The following MED23 variants were observed in gnomAD, a reference collection of about 807,000 sequenced individuals.
The protein encoded by MED23 is mediator of RNA polymerase II transcription subunit 23.
MED23 carries 105 observed loss-of-function variants against 163.9 expected under a neutral mutation model. The observed-to-expected ratio is 0.64, with a 90% CI of 0.55 to 0.75. MED23 has a LOEUF of 0.75. Among genes scored for constraint, MED23 ranks in the 30% least tolerant of loss-of-function variants. The pLI is 0.00. For synonymous variants in MED23, 561 were observed against 565.6 expected, an observed-to-expected ratio of 0.99 and a Z score of 0.12; for missense variants, 1,054 against 1,649.0, an observed-to-expected ratio of 0.64 and a Z score of 6.25.
intron 30 of MED23, chr6:131,579,211 C>A: frequency 6.2e-7 from 1 of 1,614,046 alleles, no homozygotes; most frequent in Non-Finnish European, 8.5e-7. Flanking sequence ...GAAAAGCAAG[C>A]GAGCAGCTGG....
intron 26 of MED23, among the ~76,000 whole-genome samples, chr6:131,590,982 CA>C (rs1340083902): frequency 1.5e-5 from 2 of 136,464 alleles, no homozygotes; most frequent in African/African-American, 5.6e-5. Flanking sequence ...AAATGAAATA[CA>C]ATTTTTTTTT....
Position 131,587,499 on chromosome 6 carries a change from A to C in MED23, c.*180T>G. Reference sequence around the variant, plus strand: ...TGATCTCTTAGAGACAAAAATATAGATAGGGAGATGGGAGTTATAAGGTGT... The same window carrying C: ...TGATCTCTTAGAGACAAAAATATAGCTAGGGAGATGGGAGTTATAAGGTGT... On this transcript the variant is annotated 3_prime_UTR_variant, in exon 29 of 29. Transcript: ENST00000368068. The C allele has an allele frequency of 6.9e-7, 1 of 1,440,644 alleles. No homozygotes were observed. Among genetic ancestry groups the C allele is most frequent in the Non-Finnish European group, 9.1e-7 (1 of 1,100,808 alleles). 89.2% of individuals were successfully genotyped at this position (1,440,644 alleles called of 1,614,324 possible). A position where few individuals can be genotyped will look rare whatever the true frequency, so the allele number is the denominator to read the frequency against.
downstream of MED23, among the ~76,000 whole-genome samples, chr6:131,584,816 TACACACACACAC>T (rs59196638): frequency 0.022 from 2,930 of 134,124 alleles, 117 homozygotes; most frequent in African/African-American, 0.078. Flanking sequence ...CTACAAAAAA[TACACACACACAC>T]ACACACACAC....
Position 131,606,623 on chromosome 6 carries a change from T to C in MED23, c.1223A>G (p.Tyr408Cys). 4 of 1,606,416 alleles carry C rather than the reference T, an allele frequency of 2.5e-6. No homozygotes were observed. Among genetic ancestry groups the C allele is most frequent in the South Asian group, 2.2e-5 (2 of 90,828 alleles). The part of the protein sequence containing the change: ...LFDLLYPEKE[Y>C]IPVPDINKPQ... The stretch of plus-strand genomic sequence containing the variant: ...TTTGTTAATATCAGGAACTGGGATA[T>C]ACTGAAAAATAACAATTTGAAAAAT... The change falls in exon 13 of 29, where the codon TAT (tyrosine) becomes TGT (cysteine). Residue 408 changes from tyrosine (Y) to cysteine (C), a missense_variant and splice_region_variant. Coordinates refer to ENST00000368068, the MANE Select transcript of MED23 (RefSeq NM_004830.4).
At position 131,621,224 on chromosome 6, in the gene MED23, G is replaced by A. The variant is rs79455559; in HGVS notation, c.496-495C>T. Among the ~76,000 whole-genome samples the A allele has an allele frequency of 7.7e-3, 1,176 of 152,224 alleles. 15 individuals carry two copies. The highest frequency in any genetic ancestry group is 0.026 in the African/African-American group (1,081 of 41,546). ...AATTTCACTTTGACAAGAGGAATAA[G>A]TTCAAGAGACCTACTGGACATTATG... On this transcript the variant is annotated intron_variant, in intron 6 of 28. Coordinates refer to ENST00000368068, the MANE Select transcript of MED23 (RefSeq NM_004830.4).
Position 131,606,531 on chromosome 6 carries a change from C to T in MED23, c.1315G>A (p.Asp439Asn). The change falls in exon 13 of 29, where the codon GAC becomes AAC. Residue 439 changes from aspartate (D) to asparagine (N), a missense_variant. Around this residue, in one of 11 missense-constraint regions of MED23, gnomAD observed 39 missense variants for 50.5 expected, o/e 0.77. Coordinates refer to ENST00000368068, the MANE Select transcript of MED23 (RefSeq NM_004830.4). ...ATTGGAATCTGTAGCTTGGAGTTGT[C>T]ATTTTGAGCTTTTCTATTGAGATGA... ...WIHLNRKAQN[D>N]NSKLQIPIPH... 1 of 1,613,552 alleles carries T rather than the reference C, an allele frequency of 6.2e-7. No individual in the cohort carries two copies.
intron 30 of MED23, chr6:131,574,366 T>C (rs1773513051): frequency 1.3e-6 from 2 of 1,561,852 alleles, no homozygotes; most frequent in Non-Finnish European, 1.8e-6. Context: ...TAAATACTAC[T>C]TTGCTTCCCC....
intron 15 of MED23, among the ~76,000 whole-genome samples, chr6:131,603,828 A>G (rs945096332): frequency 3.9e-5 from 6 of 152,212 alleles, no homozygotes; most frequent in African/African-American, 1.4e-4. Flanking sequence ...CTTCGTATGC[A>G]CTGGAGGACA....
chr6:131,595,933 T>A lies in MED23; in HGVS notation c.2995+14A>T. 6.2e-7 allele frequency: 1 copy of A among 1,602,506 alleles called. No homozygotes were observed. Among genetic ancestry groups the A allele is most frequent in the South Asian group, 1.1e-5 (1 of 90,834 alleles). ...TGGAGGTATTAGACGAAATTAAAAT[T>A]GGAAAAAGCTCACCATGAAATTTAT... On this transcript the variant is annotated intron_variant, in intron 22 of 28. Transcript: ENST00000368068.
intron 27 of MED23, 112 bp downstream of exon 27, chr6:131,590,205 TTAAAC>T (rs367680921): frequency 1.0e-6 from 1 of 967,714 alleles, no homozygotes; most frequent in African/African-American, 1.6e-5. Context: ...TTGGATCCTG[TTAAAC>T]TAGTTTCACT....
At chr6:131,574,953 T>C (rs1474331419) in intron 30 of MED23, among the ~76,000 whole-genome samples, 2 of 152,178 alleles carry the variant, frequency 1.3e-5, no homozygotes, top group Admixed American at 1.3e-4. Flanking sequence ...TGATTTGCAC[T>C]GATGTCTCTT....
At chr6:131,627,273 T>G in intron 3 of MED23, 123 bp downstream of exon 3, 2 of 766,442 alleles carry the variant, frequency 2.6e-6, no homozygotes, top group South Asian at 3.2e-5. Flanking sequence ...TGATAACAAT[T>G]TTATTTCTCC....
intron 4 of MED23, 49 bp from the exon 5 acceptor site, chr6:131,623,511 G>A: frequency 1.4e-6 from 2 of 1,459,528 alleles, no homozygotes; most frequent in African/African-American, 1.4e-5. Flanking sequence ...AATTTTCCAA[G>A]TTCTCTAATA....
At chr6:131,584,587 C>A (rs1475112276), downstream of MED23, among the ~76,000 whole-genome samples, 3 of 152,212 alleles carry the variant, frequency 2.0e-5, no homozygotes, top group Admixed American at 2.0e-4. Flanking sequence ...TCTACAAGTT[C>A]ATTGGGCTAG....
At chr6:131,579,351 G>A in intron 30 of MED23, 1 of 1,569,412 alleles carries the variant, frequency 6.4e-7, no homozygotes, top group Non-Finnish European at 8.7e-7. Flanking sequence ...CATAAGAAGA[G>A]AGAAAATTTA....
intron 10 of MED23, among the ~76,000 whole-genome samples, 198 bp from the exon 11 acceptor site, chr6:131,610,444 T>C (rs1776199055): frequency 6.6e-6 from 1 of 152,184 alleles, no homozygotes; most frequent in Admixed American, 6.5e-5. Context: ...TGAAAAAATG[T>C]TTTCAGGTTT....
chr6:131,581,687 A>G (rs946397414), intron 30 of MED23, among the ~76,000 whole-genome samples: 20 of 152,230 alleles, frequency 1.3e-4, no homozygotes, highest in African/African-American at 4.8e-4. Context: ...CCCAAGATAT[A>G]TGCCAAGCCT....
rs1056758130 is a variant in MED23 at position 131,623,547 on chromosome 6, C to T, written c.285-85G>A. 19 of 1,037,444 alleles carry T rather than the reference C, an allele frequency of 1.8e-5. No individual in the cohort carries two copies. The East Asian group carries it at 2.6e-4, about 14-fold the overall frequency. 64.3% of individuals were successfully genotyped at this position (1,037,444 alleles called of 1,614,324 possible). ...GCCGCCAATATGGTTTGGCTGTGTA[C>T]TCACACAAATCTCATCTTGAATTGT... On this transcript the variant is annotated intron_variant, in intron 4 of 28. Coordinates refer to ENST00000368068, the MANE Select transcript of MED23 (RefSeq NM_004830.4).
chr6:131,586,694 C>T (rs370944363), downstream of MED23: 18 of 1,342,376 alleles, frequency 1.3e-5, no homozygotes, highest in African/African-American at 2.7e-4. Context: ...CCAGCCAGCA[C>T]ACCACCTGGC....
Sources: allele counts gnomAD v4.1 joint callset (sites outside exome capture counted in the v4.1 genomes callset), GRCh38; gene constraint gnomAD v4.1.1; regional missense constraint gnomAD v4.1.1; transcripts MANE v1.5; gene names NCBI Gene and HGNC (gene_info 2026-07-23, HGNC 2026-07-21).